The following IBA57 variants were observed in gnomAD, a reference collection of about 807,000 sequenced individuals.
IBA57 encodes the protein iron-sulfur cluster assembly factor IBA57.
IBA57 carries 20 observed loss-of-function variants against 20.4 expected under a neutral mutation model. The ratio of observed to expected loss-of-function variants is 0.98; its 90% CI spans 0.69 to 1.42. The LOEUF (loss-of-function observed/expected upper bound fraction) is 1.42, where lower values mean the gene tolerates loss of function less well. Among genes scored for constraint, IBA57 ranks in the 40% most tolerant of loss-of-function variants. The pLI, the probability that IBA57 is intolerant of heterozygous loss-of-function variation, is 0.00. For missense variants in IBA57, 608 were observed against 499.3 expected (o/e 1.22, Z -2.07); for synonymous variants, 310 against 233.9 (o/e 1.33, Z -2.97).
chr1:228,166,189 GGGCACCCAGGGGAGTGGCCAGGGACC>G (rs1307858907), intron 1 of IBA57, 32 bp downstream of exon 1: 6 of 1,392,282 alleles, frequency 4.3e-6, no homozygotes, highest in South Asian at 3.0e-5. Context: ...GCTCGGGGGC[GGGCACCCAGGGGAGTGGCCAGGGACC>G]GGCACCCAGG....
chr1:228,175,381 C>A lies in IBA57; in HGVS notation c.939C>A (p.Gly313=). The A allele has an allele frequency of 6.2e-7, 1 of 1,612,964 alleles. No homozygotes were observed. Among genetic ancestry groups the A allele is most frequent in the Non-Finnish European group, 8.5e-7 (1 of 1,179,980 alleles). Residue 313 remains glycine (G), a synonymous_variant, in exon 3 of 3, where the codon GGC becomes GGA. Coordinates refer to ENST00000366711, the MANE Select transcript of IBA57 (RefSeq NM_001010867.4). The part of the protein sequence containing the change: ...SGQTVGKFRA[G]QGNVGLALLW... ...AGACTGTGGGCAAGTTCAGGGCTGG[C>A]CAGGGCAACGTGGGGCTGGCCCTGC...
Position 228,174,919 on chromosome 1 carries a change from G to A in IBA57, c.569G>A (p.Arg190Gln). Residue 190 changes from arginine (R) to glutamine (Q), a missense_variant, in exon 2 of 3, where the codon CGA becomes CAA. Physicochemically the swap from Arg to Gln is conservative, Grantham distance 43. Coordinates refer to ENST00000366711, the MANE Select transcript of IBA57 (RefSeq NM_001010867.4). ...GCCGCCATCCTCATCCGCGACCCGCGAACAGCACGCATGGGGTGGCGGCTC... is the reference window on the plus strand; with the variant it reads ...GCCGCCATCCTCATCCGCGACCCGCAAACAGCACGCATGGGGTGGCGGCTC... ...GAAAILIRDP[R>Q]TARMGWRLLT... 1 of 1,598,790 alleles carries A rather than the reference G, an allele frequency of 6.3e-7. No homozygotes were observed. Among genetic ancestry groups the A allele is most frequent in the South Asian group, 1.1e-5 (1 of 90,420 alleles).
chr1:228,175,746 C>T lies in IBA57; in HGVS notation c.*233C>T, dbSNP rs956384214. ...TTCCTGTGGCCCCAGAGGAGCCCAC[C>T]GTGTGAGTGCTGGGCTCCAGATGGC... On this transcript the variant is annotated 3_prime_UTR_variant, in exon 3 of 3. Transcript: ENST00000366711. The T allele has an allele frequency of 1.1e-4, 49 of 464,370 alleles. No individual in the cohort carries two copies. Among genetic ancestry groups the T allele is most frequent in the Middle Eastern group, 5.6e-4 (1 of 1,792 alleles). The allele number at this position is 464,370 out of a possible 1,614,324, so 28.8% of individuals were successfully genotyped here.
At chr1:228,167,466 C>T (rs2034868842) in intron 1 of IBA57, among the ~76,000 whole-genome samples, 1 of 151,954 alleles carries the variant, frequency 6.6e-6, no homozygotes. Context: ...AAGAGATTCT[C>T]CCGCCTCAGC....
intron 1 of IBA57, 34 bp downstream of exon 1, chr1:228,166,191 G>A (rs2034850558): frequency 1.6e-6 from 2 of 1,279,686 alleles, no homozygotes; most frequent in Non-Finnish European, 2.0e-6. Flanking sequence ...TCGGGGGCGG[G>A]CACCCAGGGG....
In IBA57 at chr1:228,177,091, T is replaced by G. The variant is rs1410522948; in HGVS notation, c.*1578T>G. ...ACTGGCATGGAGACATTTGATCAGCTTCCCAGCCAGTTTTCTCTCCAGCTC... is the reference window on the plus strand; with the variant it reads ...ACTGGCATGGAGACATTTGATCAGCGTCCCAGCCAGTTTTCTCTCCAGCTC... On this transcript the variant is annotated 3_prime_UTR_variant, in exon 3 of 3. Transcript: ENST00000366711. 6.6e-6 allele frequency: 1 copy of G among 152,326 alleles called. No individual in the cohort carries two copies. Among genetic ancestry groups the G allele is most frequent in the Non-Finnish European group, 1.5e-5 (1 of 68,116 alleles). 9.4% of individuals were successfully genotyped at this position (152,326 alleles called of 1,614,324 possible).
Position 228,177,554 on chromosome 1 carries a change from ATC to A in IBA57, c.*2045_*2046del, listed in dbSNP as rs1161300311. 6.0e-5 allele frequency: 8 copies of A among 132,480 alleles called. No individual in the cohort carries two copies. The highest frequency in any genetic ancestry group is 9.1e-5 in the Non-Finnish European group (6 of 65,620). 8.2% of individuals were successfully genotyped at this position (132,480 alleles called of 1,614,324 possible). A position where few individuals can be genotyped will look rare whatever the true frequency, so the allele number is the denominator to read the frequency against. ...GGCCAGGCTGGAGCTCAGTGGCACA[ATC>A]TCTGCTCACTGCAACCTCTGCCTCC... is the stretch of plus-strand genomic sequence containing the variant. On this transcript the variant is annotated 3_prime_UTR_variant, in exon 3 of 3. Transcript: ENST00000366711.
At chr1:228,174,010 T>A (rs569247939) in intron 1 of IBA57, among the ~76,000 whole-genome samples, 15 of 152,348 alleles carry the variant, frequency 9.8e-5, no homozygotes, top group South Asian at 4.1e-4. Context: ...GTGCGTTGTC[T>A]GCACGCACCC....
Position 228,165,838 on chromosome 1 carries a change from C to G in IBA57, c.22C>G (p.Arg8Gly), listed in dbSNP as rs892932711. 2 of 1,306,460 alleles carry G rather than the reference C, an allele frequency of 1.5e-6. No homozygotes were observed. The highest frequency in any genetic ancestry group is 1.9e-6 in the Non-Finnish European group (2 of 1,033,362). The allele number at this position is 1,306,460 out of a possible 1,614,324, so 80.9% of individuals were successfully genotyped here. Residue 8 changes from arginine (R) to glycine (G), a missense_variant, in exon 1 of 3, where the codon CGA (arginine) becomes GGA (glycine). Arg to Gly is a moderately radical substitution (Grantham distance 125). Transcript: ENST00000366711. ...CAAGATGGCGACCGCGGCGCTGCTT[C>G]GAGGCGCCACTCCGGGGCGCGGCGG... MATAALL[R>G]GATPGRGGPV...
chr1:228,166,067 C>G lies in IBA57; in HGVS notation c.251C>G (p.Ala84Gly), dbSNP rs1474567896. 1 of 1,536,944 alleles carries G rather than the reference C, an allele frequency of 6.5e-7. No individual in the cohort carries two copies. Among genetic ancestry groups the G allele is most frequent in the Non-Finnish European group, 8.7e-7 (1 of 1,145,326 alleles). Residue 84 changes from alanine to glycine, a missense_variant, in exon 1 of 3, where the codon GCG becomes GGG. Ala to Gly is a moderately conservative substitution (Grantham distance 60). Coordinates refer to ENST00000366711, the MANE Select transcript of IBA57 (RefSeq NM_001010867.4). Reference protein sequence around the residue: ...LTNELPLPSPAAAGAPPAARA... With the variant: ...LTNELPLPSPGAAGAPPAARA... ...AATGAACTGCCGCTTCCGAGTCCTG[C>G]GGCCGCGGGGGCCCCGCCTGCTGCG...
chr1:228,170,089 T>G lies in IBA57; in HGVS notation c.341+3932T>G, dbSNP rs867165323. On this transcript the variant is annotated intron_variant, in intron 1 of 2. Coordinates refer to ENST00000366711, the MANE Select transcript of IBA57 (RefSeq NM_001010867.4). This position sits in a 1 kb window ranked among gnomAD's most constrained non-coding sequence, Gnocchi z 4.8. Reference sequence around the variant, plus strand: ...TTTCACCATGTTGGTCAGGCTGGTCTCGAACTACTGACCTCATGATCCGCC... The same window carrying G: ...TTTCACCATGTTGGTCAGGCTGGTCGCGAACTACTGACCTCATGATCCGCC... Among the ~76,000 whole-genome samples, 2 of 152,210 alleles carry G rather than the reference T, an allele frequency of 1.3e-5. No individual in the cohort carries two copies. The highest frequency in any genetic ancestry group is 2.9e-5 in the Non-Finnish European group (2 of 68,042).
rs1385321379 is a variant in IBA57, at chr1:228,177,995, CAT to C, written c.*2484_*2485del. ...TCTGCTTTAGTTTGTGTTGTAAAAA[CAT>C]AGGAAGTTCGTGTGTGTGTGTGTGT... On this transcript the variant is annotated 3_prime_UTR_variant, in exon 3 of 3. Transcript: ENST00000366711. 1 of 152,022 alleles carries C rather than the reference CAT, an allele frequency of 6.6e-6. No homozygotes were observed. The highest frequency in any genetic ancestry group is 1.5e-5 in the Non-Finnish European group (1 of 68,118). 9.4% of individuals were successfully genotyped at this position (152,022 alleles called of 1,614,324 possible). A position where few individuals can be genotyped will look rare whatever the true frequency, so the allele number is the denominator to read the frequency against.
rs1039334918 is a variant in IBA57, at chr1:228,182,010, A to G, written c.*6497A>G. ...GTCCCCGTCTTTGATTTCCCTGGCG[A>G]TGGTGCTAGCTTAGTTTGTGCGCAT... On this transcript the variant is annotated 3_prime_UTR_variant, in exon 3 of 3. Coordinates refer to ENST00000366711, the MANE Select transcript of IBA57 (RefSeq NM_001010867.4). 3.9e-5 allele frequency: 6 copies of G among 152,168 alleles called. No homozygotes were observed. Among genetic ancestry groups the G allele is most frequent in the Admixed American group, 3.9e-4 (6 of 15,274 alleles). 9.4% of individuals were successfully genotyped at this position (152,168 alleles called of 1,614,324 possible).
Position 228,170,459 on chromosome 1 carries a change from A to G in IBA57, c.342-4233A>G, listed in dbSNP as rs1423941734. Among the ~76,000 whole-genome samples the G allele has an allele frequency of 1.3e-5, 2 of 152,072 alleles. No homozygotes were observed. The highest frequency in any genetic ancestry group is 2.9e-5 in the Non-Finnish European group (2 of 67,992). ...GTGATCCTCCCACCTCAGCCTCCCA[A>G]GTAGCCAGGACTACAGGTAGTTGAG... On this transcript the variant is annotated intron_variant, in intron 1 of 2. Transcript: ENST00000366711. The surrounding 1 kb of genome is among the most constrained non-coding windows in gnomAD (Gnocchi z 4.8).
intron 1 of IBA57, among the ~76,000 whole-genome samples, chr1:228,169,832 G>A (rs771635165): frequency 6.6e-6 from 1 of 151,988 alleles, no homozygotes; most frequent in Non-Finnish European, 1.5e-5. Context: ...AGTGATATGC[G>A]TTTAGATTCC....
chr1:228,173,669 T>A (rs528355514), intron 1 of IBA57, among the ~76,000 whole-genome samples: 30 of 152,264 alleles, frequency 2.0e-4, no homozygotes, highest in African/African-American at 7.2e-4. Flanking sequence ...CTTAGGACCC[T>A]TGGGCTCCTC....
rs1471212492 is a variant in IBA57, at chr1:228,175,609, C to T, written c.*96C>T. ...TTCCCGTCCCATCTGTCTGCTGCGC[C>T]TACTGGGTGGGAGCCCTGGTTTCCA... On this transcript the variant is annotated 3_prime_UTR_variant, in exon 3 of 3. Coordinates refer to ENST00000366711, the MANE Select transcript of IBA57 (RefSeq NM_001010867.4). 2.8e-6 allele frequency: 4 copies of T among 1,425,830 alleles called. No individual in the cohort carries two copies. The highest frequency in any genetic ancestry group is 5.0e-5 in the Admixed American group (2 of 40,334). 88.3% of individuals were successfully genotyped at this position (1,425,830 alleles called of 1,614,324 possible).
rs2034993044 is a variant in IBA57, at chr1:228,175,147, G to A, written c.705G>A (p.Leu235=). 1 of 1,612,496 alleles carries A rather than the reference G, an allele frequency of 6.2e-7. No individual in the cohort carries two copies. Among genetic ancestry groups the A allele is most frequent in the African/African-American group, 1.3e-5 (1 of 74,900 alleles). ...LQGVPEGVRD[L]PPGVALPLES... ...GCGTTCCTGAGGGGGTCCGAGACTT[G>A]CCTCCTGGGGTGGCCCTGCCCCTGG... The change falls in exon 3 of 3, where the codon TTG becomes TTA. Residue 235 remains leucine, a synonymous_variant. Coordinates refer to ENST00000366711, the MANE Select transcript of IBA57 (RefSeq NM_001010867.4).
At position 228,165,844 on chromosome 1, in the gene IBA57, G is replaced by C. The variant is rs1023107703; in HGVS notation, c.28G>C (p.Ala10Pro). The part of the protein sequence containing the change: MATAALLRG[A>P]TPGRGGPVWR... ...GGCGACCGCGGCGCTGCTTCGAGGCGCCACTCCGGGGCGCGGCGGCCCGGT... is the reference window on the plus strand; with the variant it reads ...GGCGACCGCGGCGCTGCTTCGAGGCCCCACTCCGGGGCGCGGCGGCCCGGT... Residue 10 changes from alanine (A) to proline (P), a missense_variant, in exon 1 of 3, where the codon GCC (alanine) becomes CCC (proline). Ala to Pro is a conservative substitution (Grantham distance 27). Transcript: ENST00000366711. The C allele has an allele frequency of 3.1e-6, 4 of 1,305,892 alleles. No individual in the cohort carries two copies. In the South Asian group the frequency reaches 7.0e-5, roughly 23 times the overall value. 80.9% of individuals were successfully genotyped at this position (1,305,892 alleles called of 1,614,324 possible).
Sources: gnomAD v4.1 joint callset for allele counts (sites outside exome capture counted in the v4.1 genomes callset) on GRCh38, gnomAD v4.1.1 for gene constraint, Gnocchi (gnomAD v3.1) non-coding constraint, MANE v1.5 for transcripts, NCBI Gene and HGNC (gene_info 2026-07-23, HGNC 2026-07-21) for gene names.